MESP1: variants seen among roughly 807,000 people sequenced by gnomAD.
The protein encoded by MESP1 is mesoderm posterior bHLH transcription factor 1, also known as mesoderm posterior protein 1.
MESP1 carries 22 observed loss-of-function variants against 15.2 expected under a neutral mutation model. The observed-to-expected ratio is 1.45, with a 90% confidence interval of 1.04 to 2.07. The LOEUF (loss-of-function observed/expected upper bound fraction) is 2.07. Ranked by LOEUF, MESP1 falls within the 30% of genes most tolerant of loss-of-function variation. The pLI is 0.00. For synonymous variants in MESP1, 216 were observed against 192.6 expected (o/e 1.12, Z -1.01); for missense variants, 484 against 411.9 (o/e 1.17, Z -1.51).
the MESP1 span, among the ~76,000 whole-genome samples, chr15:89,744,390 C>T: frequency 6.6e-6 from 1 of 152,184 alleles, no homozygotes; most frequent in African/African-American, 2.4e-5. Context: ...ATATAGCCGC[C>T]AACATACCTG....
At chr15:89,747,449 G>A (rs1967992505), downstream of MESP1, among the ~76,000 whole-genome samples, 2 of 152,240 alleles carry the variant, frequency 1.3e-5, no homozygotes, top group African/African-American at 4.8e-5. Flanking sequence ...GAAGAGGAGG[G>A]CGGCTGGGGA....
intron 1 of MESP1, 110 bp from the exon 2 acceptor site, chr15:89,750,337 C>A (rs1241454201): frequency 1.3e-5 from 20 of 1,536,118 alleles, no homozygotes; most frequent in Non-Finnish European, 1.8e-5. Flanking sequence ...GAGACCCAGT[C>A]CTCTGCGTGG....
the MESP1 span, chr15:89,743,502 CA>C: frequency 9.9e-7 from 1 of 1,013,936 alleles, no homozygotes; most frequent in Non-Finnish European, 1.5e-6. Context: ...CACAGGCCTG[CA>C]CTCGGAGTCT....
the MESP1 span, chr15:89,733,090 G>C: frequency 1.9e-6 from 3 of 1,614,162 alleles, no homozygotes; most frequent in Admixed American, 5.0e-5. Flanking sequence ...GTCCACAAAG[G>C]ACAGAATATG....
At chr15:89,740,783 T>C in the MESP1 span, among the ~76,000 whole-genome samples, 13 of 151,956 alleles carry the variant, frequency 8.6e-5, no homozygotes, top group East Asian at 1.4e-3. Context: ...ATTACAGACA[T>C]GAGCCACCAC....
the MESP1 span, among the ~76,000 whole-genome samples, chr15:89,738,483 T>A: frequency 6.6e-6 from 1 of 151,802 alleles, no homozygotes; most frequent in African/African-American, 2.4e-5. Flanking sequence ...AGAAATTAGC[T>A]GGGTGTGGTG....
At chr15:89,747,442 G>A (rs955907258), downstream of MESP1, among the ~76,000 whole-genome samples, 1 of 152,266 alleles carries the variant, frequency 6.6e-6, no homozygotes, top group African/African-American at 2.4e-5. Flanking sequence ...AGCCCCAGAA[G>A]AGGAGGGCGG....
chr15:89,746,906 G>T (rs1173769372), downstream of MESP1, among the ~76,000 whole-genome samples: 1 of 38,624 alleles, frequency 2.6e-5, no homozygotes, highest in Non-Finnish European at 5.1e-5. Flanking sequence ...CACACACACA[G>T]CCCCGCCTCC....
chr15:89,750,820 C>A lies in MESP1; in HGVS notation c.412G>T (p.Ala138Ser). 6.5e-7 allele frequency: 1 copy of A among 1,530,652 alleles called. No homozygotes were observed. Among genetic ancestry groups the A allele is most frequent in the South Asian group, 1.2e-5 (1 of 83,780 alleles). The allele number at this position is 1,530,652 out of a possible 1,614,324, so 94.8% of individuals were successfully genotyped here. The change falls in exon 1 of 2, where the codon GCC becomes TCC. Residue 138 changes from alanine (A) to serine (S), a missense_variant. Coordinates refer to ENST00000300057, the MANE Select transcript of MESP1 (RefSeq NM_018670.4). ...CTCTCCTCGCTGAGGCCTAGCACGG[C>A]CGACAGGTGGCCGATATAGCGGATA... ...LAIRYIGHLS[A>S]VLGLSEESLQ...
the MESP1 span, among the ~76,000 whole-genome samples, chr15:89,732,615 CCACACACA>C: frequency 1.9e-3 from 280 of 148,556 alleles, 3 homozygotes; most frequent in African/African-American, 5.9e-3. Context: ...TGTTGTTTGG[CCACACACA>C]CACACACACA....
the MESP1 span, among the ~76,000 whole-genome samples, chr15:89,736,076 G>C: frequency 2.0e-5 from 3 of 152,336 alleles, no homozygotes; most frequent in East Asian, 5.8e-4. Context: ...CTGCGCAGAA[G>C]GATACAGATG....
the MESP1 span, among the ~76,000 whole-genome samples, chr15:89,736,056 G>C: frequency 6.6e-6 from 1 of 152,204 alleles, no homozygotes; most frequent in African/African-American, 2.4e-5. Context: ...ACCATGGAAG[G>C]TCCTGTACAC....
At position 89,750,821 on chromosome 15, in the gene MESP1, C is replaced by A; in HGVS notation, c.411G>T (p.Ser137=). 4.6e-6 allele frequency: 7 copies of A among 1,530,322 alleles called. No individual in the cohort carries two copies. The highest frequency in any genetic ancestry group is 5.2e-6 in the Non-Finnish European group (6 of 1,144,738). The allele number at this position is 1,530,322 out of a possible 1,614,324, so 94.8% of individuals were successfully genotyped here. A position where few individuals can be genotyped will look rare whatever the true frequency, so the allele number is the denominator to read the frequency against. The change falls in exon 1 of 2, where the codon TCG becomes TCT. Residue 137 remains serine, a synonymous_variant. Transcript: ENST00000300057. The part of the protein sequence containing the change: ...RLAIRYIGHL[S]AVLGLSEESL... ...TCTCCTCGCTGAGGCCTAGCACGGCCGACAGGTGGCCGATATAGCGGATAG... is the reference window on the plus strand; with the variant it reads ...TCTCCTCGCTGAGGCCTAGCACGGCAGACAGGTGGCCGATATAGCGGATAG...
downstream of MESP1, among the ~76,000 whole-genome samples, chr15:89,744,960 C>T (rs1967898533): frequency 1.3e-5 from 2 of 152,258 alleles, no homozygotes; most frequent in African/African-American, 4.8e-5. Context: ...GAACCACTCA[C>T]TGTAATGATG....
At chr15:89,743,504 C>A in the MESP1 span, 1 of 1,008,526 alleles carries the variant, frequency 9.9e-7, no homozygotes, top group Non-Finnish European at 1.5e-6. Flanking sequence ...CAGGCCTGCA[C>A]TCGGAGTCTG....
At chr15:89,733,347 G>A in the MESP1 span, 79 of 853,118 alleles carry the variant, frequency 9.3e-5, no homozygotes, top group Non-Finnish European at 1.4e-4. Context: ...CTCCTGGTGA[G>A]CTTCTGAAGA....
chr15:89,750,264 C>G (rs562910584), intron 1 of MESP1, 37 bp from the exon 2 acceptor site: 1 of 1,611,036 alleles, frequency 6.2e-7, no homozygotes, highest in Admixed American at 1.7e-5. Context: ...CCCTCAAGCA[C>G]TGGTGGCCTT....
the MESP1 span, among the ~76,000 whole-genome samples, chr15:89,734,019 G>A: frequency 0.022 from 3,358 of 151,968 alleles, 57 homozygotes; most frequent in African/African-American, 0.049. Context: ...GTGTGCGCGC[G>A]CGCATGTGTG....
At chr15:89,733,172 G>C in the MESP1 span, 1 of 1,613,974 alleles carries the variant, frequency 6.2e-7, no homozygotes, top group Non-Finnish European at 8.5e-7. Context: ...TCCATCTGGT[G>C]GAGGCTAGCG....
Sources: gnomAD v4.1 joint callset for allele counts (sites outside exome capture counted in the v4.1 genomes callset) on GRCh38, gnomAD v4.1.1 for gene constraint, MANE v1.5 for transcripts, NCBI Gene and HGNC (gene_info 2026-07-23, HGNC 2026-07-21) for gene names.